Variants in TLL2 observed in about 807,000 individuals in gnomAD.
TLL2 encodes tolloid-like protein 2.
In TLL2, 106 loss-of-function variants were observed where a neutral mutation model predicts 123.0. The ratio of observed to expected loss-of-function variants is 0.86; its 90% CI spans 0.74 to 1.01. The LOEUF (loss-of-function observed/expected upper bound fraction) is 1.01, where lower values mean the gene tolerates loss of function less well. TLL2 is among the 50% of genes least tolerant of loss of function. The pLI, the probability that TLL2 is intolerant of heterozygous loss-of-function variation, is 0.00. For synonymous variants in TLL2, 494 were observed against 516.8 expected (o/e 0.96, Z 0.60); for missense variants, 1,332 against 1,336.7 (o/e 1.00, Z 0.06).
At chr10:96,495,700 C>A (rs933185510) in intron 1 of TLL2, among the ~76,000 whole-genome samples, 3 of 152,036 alleles carry the variant, frequency 2.0e-5, no homozygotes, top group African/African-American at 7.3e-5. Flanking sequence ...GAGGTTCGGG[C>A]TCTTGGAGGA....
intron 1 of TLL2, among the ~76,000 whole-genome samples, chr10:96,507,102 C>T (rs377479174): frequency 8.4e-4 from 128 of 152,166 alleles, no homozygotes; most frequent in African/African-American, 2.9e-3. Context: ...GGGCCTGATA[C>T]GTCTTCCTTC....
At chr10:96,473,192 T>C (rs980211137) in intron 2 of TLL2, among the ~76,000 whole-genome samples, 2 of 152,030 alleles carry the variant, frequency 1.3e-5, no homozygotes, top group Admixed American at 1.3e-4. Flanking sequence ...TGTTGGCTAA[T>C]CCCTGTAATC....
intron 2 of TLL2, among the ~76,000 whole-genome samples, chr10:96,478,674 A>C (rs767227617): frequency 3.5e-4 from 54 of 152,256 alleles, no homozygotes; most frequent in Non-Finnish European, 3.8e-4. Context: ...CGGCAATGTG[A>C]GTGAATTTCA....
At chr10:96,424,834 A>T (rs1010391763) in intron 5 of TLL2, among the ~76,000 whole-genome samples, 1 of 151,994 alleles carries the variant, frequency 6.6e-6, no homozygotes, top group Non-Finnish European at 1.5e-5. Context: ...TCATTTTCTT[A>T]TGTGCTGCTT....
At chr10:96,401,800 T>C (rs989043230) in intron 10 of TLL2, among the ~76,000 whole-genome samples, 2 of 152,232 alleles carry the variant, frequency 1.3e-5, no homozygotes, top group African/African-American at 4.8e-5. Context: ...AGCTTCCTCC[T>C]CTTAAGCCTT....
chr10:96,401,077 C>T (rs745521881), intron 10 of TLL2, among the ~76,000 whole-genome samples: 1 of 152,084 alleles, frequency 6.6e-6, no homozygotes. Context: ...CACTGAAATC[C>T]GGTTCCTGGA....
chr10:96,421,841 A>C (rs1846627261), intron 6 of TLL2, among the ~76,000 whole-genome samples: 1 of 152,084 alleles, frequency 6.6e-6, no homozygotes, highest in African/African-American at 2.4e-5. Context: ...CTGTCTCAAA[A>C]AACAAACAAA....
intron 1 of TLL2, among the ~76,000 whole-genome samples, chr10:96,496,039 G>A (rs1487923165): frequency 6.6e-6 from 1 of 152,074 alleles, no homozygotes; most frequent in East Asian, 1.9e-4. Context: ...AGGAAACTGG[G>A]GTCCAAGAAG....
intron 2 of TLL2, among the ~76,000 whole-genome samples, chr10:96,454,507 C>T (rs897457971): frequency 2.6e-5 from 4 of 152,346 alleles, no homozygotes; most frequent in African/African-American, 9.6e-5. Flanking sequence ...GAGTGACTGC[C>T]AGACCTTCCC....
rs1464239492 is a variant in TLL2, at chr10:96,469,725, A to T, written c.286+10624T>A. Among the ~76,000 whole-genome samples, 6 of 152,334 alleles carry T rather than the reference A, an allele frequency of 3.9e-5. No individual in the cohort carries two copies. In the South Asian group the frequency reaches 1.2e-3, roughly 32 times the overall value. On this transcript the variant is annotated intron_variant, in intron 2 of 20. Coordinates refer to ENST00000357947, the MANE Select transcript of TLL2 (RefSeq NM_012465.4). ...ATCATCACTCCCATCTTAAAAACAC[A>T]ATCTCCTTAATGGTGGGAGAAAAAG...
chr10:96,421,079 G>A lies in TLL2; in HGVS notation c.818-18C>T. 4 of 1,606,250 alleles carry A rather than the reference G, an allele frequency of 2.5e-6. No homozygotes were observed. The highest frequency in any genetic ancestry group is 3.4e-6 in the Non-Finnish European group (4 of 1,173,312). On this transcript the variant is annotated intron_variant, in intron 6 of 20. Coordinates refer to ENST00000357947, the MANE Select transcript of TLL2 (RefSeq NM_012465.4). ...CTCCTGACCTGTGACACAACACTGTGTTAAGCCCTTTGAAAACCAAGTCAG... is the reference window on the plus strand; with the variant it reads ...CTCCTGACCTGTGACACAACACTGTATTAAGCCCTTTGAAAACCAAGTCAG...
chr10:96,398,868 C>CTTT (rs3033618), intron 10 of TLL2, among the ~76,000 whole-genome samples: 1,122 of 107,678 alleles, frequency 0.01, 61 homozygotes, highest in Middle Eastern at 0.027. Flanking sequence ...TGAAAATATT[C>CTTT]TTTTTTTTTT....
intron 15 of TLL2, among the ~76,000 whole-genome samples, chr10:96,385,755 C>T (rs1322144156): frequency 1.3e-5 from 2 of 152,226 alleles, no homozygotes; most frequent in East Asian, 3.8e-4. Context: ...ACACCAGCTC[C>T]CCAGACTCAC....
At position 96,373,603 on chromosome 10, in the gene TLL2, G is replaced by A. The variant is rs558663464; in HGVS notation, c.2655C>T (p.His885=). Residue 885 remains histidine (H), a synonymous_variant, in exon 19 of 21, where the codon CAC becomes CAT. Transcript: ENST00000357947. ...GTGTCCCACCCCAGGTACCTGTGCT[G>A]TGCACTGCCTGGAAGCCTTTCCTCT... ...SVQRKGFQAV[H]STECGGRLKA... is the part of the protein sequence containing the mutation. 2.5e-6 allele frequency: 4 copies of A among 1,614,166 alleles called. No individual in the cohort carries two copies. The highest frequency in any genetic ancestry group is 2.2e-5 in the East Asian group (1 of 44,888).
At chr10:96,472,995 C>T (rs1847199496) in intron 2 of TLL2, among the ~76,000 whole-genome samples, 2 of 152,084 alleles carry the variant, frequency 1.3e-5, no homozygotes, top group South Asian at 4.2e-4. Context: ...AACACCAGCA[C>T]TCAAATCCAG....
chr10:96,457,066 A>G (rs542364516), intron 2 of TLL2, among the ~76,000 whole-genome samples: 1 of 152,348 alleles, frequency 6.6e-6, no homozygotes, highest in African/African-American at 2.4e-5. Flanking sequence ...CATCCATACA[A>G]ATGGGAATAA....
chr10:96,505,197 A>G (rs1000807761), intron 1 of TLL2, among the ~76,000 whole-genome samples: 8 of 152,178 alleles, frequency 5.3e-5, no homozygotes, highest in African/African-American at 1.9e-4. Context: ...TGGGAACAGG[A>G]GAGAGAGAAT....
rs562213148 is a variant in TLL2, at chr10:96,365,261, C to G, written c.*2827G>C. The G allele has an allele frequency of 6.6e-6, 1 of 152,338 alleles. No individual in the cohort carries two copies. The highest frequency in any genetic ancestry group is 1.5e-5 in the Non-Finnish European group (1 of 68,028). The allele number at this position is 152,338 out of a possible 1,614,324, so 9.4% of individuals were successfully genotyped here. On this transcript the variant is annotated 3_prime_UTR_variant, in exon 21 of 21. Transcript: ENST00000357947. Reference sequence around the variant, plus strand: ...GAAATAAAAAGGAAACTTCACCTTACAGGTAAATACCTCTAAATATTTACC... The same window carrying G: ...GAAATAAAAAGGAAACTTCACCTTAGAGGTAAATACCTCTAAATATTTACC...
intron 13 of TLL2, among the ~76,000 whole-genome samples, chr10:96,391,157 C>T (rs111779769): frequency 6.6e-6 from 1 of 152,108 alleles, no homozygotes; most frequent in Non-Finnish European, 1.5e-5. Context: ...GGAGGCAGAG[C>T]AGGCAGCAGG....
Sources: gnomAD v4.1 joint callset for allele counts (sites outside exome capture counted in the v4.1 genomes callset) on GRCh38, gnomAD v4.1.1 for gene constraint, MANE v1.5 for transcripts, NCBI Gene and HGNC (gene_info 2026-07-23, HGNC 2026-07-21) for gene names.